Variants in SRSF11 observed in about 807,000 individuals in gnomAD.
The protein encoded by SRSF11 is serine/arginine-rich splicing factor 11.
A neutral mutation model predicts 56.0 loss-of-function variants in SRSF11; 9 were observed. The observed-to-expected ratio is 0.16, with a 90% CI of 0.10 to 0.28. The LOEUF (loss-of-function observed/expected upper bound fraction) is 0.28, where lower values mean the gene tolerates loss of function less well. SRSF11 is among the 10% of genes least tolerant of loss of function. The pLI is 1.00. For synonymous variants in SRSF11, 222 were observed against 215.3 expected (o/e 1.03, Z -0.27); for missense variants, 421 against 600.7 (o/e 0.70, Z 3.13).
chr1:70,247,555 T>G (rs1045904506), intron 9 of SRSF11, among the ~76,000 whole-genome samples: 1 of 151,982 alleles, frequency 6.6e-6, no homozygotes, highest in Middle Eastern at 3.4e-3. Context: ...TAAAAAAAAA[T>G]AACTGAAATG....
intron 3 of SRSF11, among the ~76,000 whole-genome samples, chr1:70,233,196 C>T (rs865785836): frequency 6.6e-6 from 1 of 151,358 alleles, no homozygotes. Flanking sequence ...TTTCTTTATT[C>T]TTTGTTCTGT....
At chr1:70,242,652 C>G (rs1430912450) in intron 7 of SRSF11, among the ~76,000 whole-genome samples, 2 of 152,068 alleles carry the variant, frequency 1.3e-5, no homozygotes, top group Admixed American at 6.6e-5. Context: ...CCATGACTTT[C>G]ACAAGCTTTT....
intron 9 of SRSF11, chr1:70,247,223 A>T (rs1045547955): frequency 2.0e-6 from 1 of 502,820 alleles, no homozygotes; most frequent in African/African-American, 2.1e-5. Context: ...TAAGCTTATT[A>T]TAGTAAGCTA....
upstream of SRSF11, among the ~76,000 whole-genome samples, chr1:70,220,155 C>G (rs1571618388): frequency 6.6e-6 from 1 of 152,236 alleles, no homozygotes; most frequent in African/African-American, 2.4e-5. Context: ...TGATACATGT[C>G]AATAATAAAT....
intron 2 of SRSF11, chr1:70,231,496 C>G: frequency 9.4e-7 from 1 of 1,059,674 alleles, no homozygotes; most frequent in South Asian, 3.0e-5. Flanking sequence ...TTTCAACTGG[C>G]ACTGTATGGC....
chr1:70,228,995 C>G (rs1672383997), intron 2 of SRSF11: 9 of 977,882 alleles, frequency 9.2e-6, no homozygotes, highest in Non-Finnish European at 1.1e-5. Context: ...CATTGATAAT[C>G]TGGAAAAAAA....
At chr1:70,214,955 A>G (rs1669880004) in intron 1 of SRSF11, among the ~76,000 whole-genome samples, 1 of 147,960 alleles carries the variant, frequency 6.8e-6, no homozygotes, top group African/African-American at 2.5e-5. Context: ...CTGGAATGCA[A>G]TGGCACAATC....
intron 9 of SRSF11, 85 bp from the exon 10 acceptor site, chr1:70,249,867 T>A: frequency 7.0e-7 from 1 of 1,427,942 alleles, no homozygotes; most frequent in Non-Finnish European, 9.8e-7. Flanking sequence ...GCCACATCTT[T>A]CATTGTTAGA....
At chr1:70,231,699 A>G (rs2100742963) in intron 2 of SRSF11, 1 of 1,196,124 alleles carries the variant, frequency 8.4e-7, no homozygotes. Context: ...CCTACGCTTG[A>G]TTCCAACAGA....
chr1:70,228,738 C>G, intron 2 of SRSF11, 183 bp downstream of exon 2: 3 of 1,274,444 alleles, frequency 2.4e-6, no homozygotes, highest in Non-Finnish European at 3.0e-6. Context: ...GAAATTAGGT[C>G]TGTTATTATA....
intron 1 of SRSF11, among the ~76,000 whole-genome samples, chr1:70,207,724 C>CT (rs202160955): frequency 0.1 from 14,198 of 136,468 alleles, 838 homozygotes; most frequent in East Asian, 0.3. Context: ...TTCTTTCGTT[C>CT]TTTTTTTTTT....
chr1:70,247,280 T>A (rs1159193744), intron 9 of SRSF11: 1 of 199,624 alleles, frequency 5.0e-6, no homozygotes, highest in Non-Finnish European at 9.0e-6. Flanking sequence ...CTATCCCTTT[T>A]AATGACTGTT....
intron 5 of SRSF11, among the ~76,000 whole-genome samples, 158 bp downstream of exon 5, chr1:70,235,708 A>C (rs1375588816): frequency 6.6e-6 from 1 of 152,186 alleles, no homozygotes; most frequent in African/African-American, 2.4e-5. Context: ...ATACAGAAGT[A>C]AGTAAGGTCC....
chr1:70,224,174 CATGTT>C (rs1262037785), intron 1 of SRSF11, among the ~76,000 whole-genome samples: 1 of 152,132 alleles, frequency 6.6e-6, no homozygotes. Context: ...CTCCCTGCAT[CATGTT>C]ATATAAGAGA....
rs751060442 is a variant in SRSF11 at position 70,244,668 on chromosome 1, C to A, written c.801-16C>A. ...TACATTTATACACATGTATTGGCTT[C>A]CTTTTACACTATTAGGCGGTCAAGA... On this transcript the variant is annotated splice_polypyrimidine_tract_variant and intron_variant, in intron 7 of 11. Transcript: ENST00000370949. 1 of 1,609,602 alleles carries A rather than the reference C, an allele frequency of 6.2e-7. No individual in the cohort carries two copies. The highest frequency in any genetic ancestry group is 1.3e-5 in the African/African-American group (1 of 74,728).
intron 1 of SRSF11, among the ~76,000 whole-genome samples, chr1:70,210,748 C>T (rs1669490455): frequency 6.6e-6 from 1 of 152,192 alleles, no homozygotes; most frequent in South Asian, 2.1e-4. Context: ...GCCCAGCTCT[C>T]TCCACTTTCA....
At chr1:70,212,113 GTACTT>G (rs1399471575) in intron 1 of SRSF11, among the ~76,000 whole-genome samples, 3 of 152,106 alleles carry the variant, frequency 2.0e-5, no homozygotes, top group South Asian at 4.2e-4. Context: ...ACTACTTACT[GTACTT>G]TATTTTTAAG....
intron 9 of SRSF11, chr1:70,249,283 T>C (rs1344236085): frequency 6.6e-6 from 1 of 152,208 alleles, no homozygotes; most frequent in Non-Finnish European, 1.5e-5. Context: ...ATCACATTAT[T>C]GAATTATTCT....
intron 6 of SRSF11, among the ~76,000 whole-genome samples, chr1:70,237,805 C>A (rs1328016165): frequency 1.3e-5 from 2 of 152,194 alleles, no homozygotes; most frequent in African/African-American, 4.8e-5. Context: ...CCTTCCACAG[C>A]AGTGGTTAAT....
Sources: gnomAD v4.1 joint callset for allele counts (sites outside exome capture counted in the v4.1 genomes callset) on GRCh38, gnomAD v4.1.1 for gene constraint, MANE v1.5 for transcripts, NCBI Gene and HGNC (gene_info 2026-07-23, HGNC 2026-07-21) for gene names.